Variants in COL19A1 observed in about 807,000 individuals in gnomAD.
COL19A1 encodes collagen alpha-1(XIX) chain.
In COL19A1, 159 loss-of-function variants were observed where a neutral mutation model predicts 190.2. That is an observed-to-expected ratio of 0.84 (90% CI 0.73 to 0.95). The LOEUF (loss-of-function observed/expected upper bound fraction) is 0.95. COL19A1 is among the 40% of genes least tolerant of loss of function. COL19A1 has a pLI of 0.00. For synonymous variants in COL19A1, 509 were observed against 458.9 expected (o/e 1.11, Z -1.39); for missense variants, 1,418 against 1,431.9 (o/e 0.99, Z 0.16).
chr6:70,006,193 C>A (rs1777614584), intron 11 of COL19A1, among the ~76,000 whole-genome samples: 1 of 152,204 alleles, frequency 6.6e-6, no homozygotes, highest in African/African-American at 2.4e-5. Context: ...TTGCCCCTCA[C>A]CCTGGGAGCT....
intron 15 of COL19A1, among the ~76,000 whole-genome samples, chr6:70,069,379 T>C (rs1781423781): frequency 6.6e-6 from 1 of 152,138 alleles, no homozygotes; most frequent in Non-Finnish European, 1.5e-5. Flanking sequence ...CTACAAATAT[T>C]TGAGGGTCAG....
At chr6:69,918,499 C>T (rs1771462126) in intron 4 of COL19A1, among the ~76,000 whole-genome samples, 1 of 152,024 alleles carries the variant, frequency 6.6e-6, no homozygotes, top group South Asian at 2.1e-4. Context: ...GAGTTTGAGA[C>T]CCGCCTAGGA....
At chr6:69,968,601 G>A (rs1337569311) in intron 11 of COL19A1, among the ~76,000 whole-genome samples, 1 of 152,082 alleles carries the variant, frequency 6.6e-6, no homozygotes, top group Admixed American at 6.5e-5. Context: ...AATCAATAGT[G>A]ATCATTTGCT....
intron 11 of COL19A1, among the ~76,000 whole-genome samples, chr6:69,996,168 G>A (rs1776893985): frequency 6.6e-6 from 1 of 151,902 alleles, no homozygotes; most frequent in Non-Finnish European, 1.5e-5. Context: ...TCTCAGTATT[G>A]ACACAATACT....
chr6:70,184,692 T>C lies in COL19A1; in HGVS notation c.2776-11T>C. 6.3e-7 allele frequency: 1 copy of C among 1,584,560 alleles called. No individual in the cohort carries two copies. Among genetic ancestry groups the C allele is most frequent in the Non-Finnish European group, 8.6e-7 (1 of 1,159,396 alleles). The stretch of plus-strand genomic sequence containing the variant: ...CAGAGTTAGAAATATTAATCCTTTT[T>C]TTCTTTATAGGGAATAAATGGAAAA... On this transcript the variant is annotated splice_polypyrimidine_tract_variant and intron_variant, in intron 44 of 50. Coordinates refer to ENST00000620364, the MANE Select transcript of COL19A1 (RefSeq NM_001858.6).
chr6:70,125,606 G>GA (rs1247535700), intron 17 of COL19A1, among the ~76,000 whole-genome samples: 2 of 151,198 alleles, frequency 1.3e-5, no homozygotes, highest in Non-Finnish European at 3.0e-5. Flanking sequence ...AAATGAGGAA[G>GA]AAAAAAAAAG....
At chr6:69,949,323 A>G (rs1344236618) in intron 9 of COL19A1, among the ~76,000 whole-genome samples, 1 of 151,766 alleles carries the variant, frequency 6.6e-6, no homozygotes, top group Admixed American at 6.6e-5. Context: ...GGTGCCAGCT[A>G]TGATTCTAAC....
intron 14 of COL19A1, among the ~76,000 whole-genome samples, chr6:70,041,096 A>C (rs879923074): frequency 4.6e-5 from 7 of 152,188 alleles, no homozygotes; most frequent in Non-Finnish European, 8.8e-5. Flanking sequence ...TACACACACA[A>C]AAAAGAAAGA....
chr6:70,139,786 A>G (rs1380486270), intron 19 of COL19A1, among the ~76,000 whole-genome samples: 2 of 152,060 alleles, frequency 1.3e-5, no homozygotes, highest in African/African-American at 4.8e-5. Context: ...TATACTTAAG[A>G]TCACCTAGTT....
intron 15 of COL19A1, among the ~76,000 whole-genome samples, chr6:70,075,361 T>C (rs1227463802): frequency 6.6e-6 from 1 of 152,234 alleles, no homozygotes; most frequent in Non-Finnish European, 1.5e-5. Flanking sequence ...TGGTGGACTT[T>C]GGCCGCTTGG....
chr6:69,921,289 ATC>A (rs1771763728), intron 4 of COL19A1, among the ~76,000 whole-genome samples: 1 of 131,968 alleles, frequency 7.6e-6, no homozygotes, highest in Non-Finnish European at 1.5e-5. Context: ...TATATCATAT[ATC>A]ATATATATCA....
intron 47 of COL19A1, among the ~76,000 whole-genome samples, chr6:70,188,839 T>G (rs540108724): frequency 2.6e-5 from 4 of 152,152 alleles, no homozygotes; most frequent in African/African-American, 4.8e-5. Context: ...AAAATATCCA[T>G]GTTAGGAAGA....
chr6:70,187,187 T>C lies in COL19A1; in HGVS notation c.2857-888T>C, dbSNP rs1394864542. 2.0e-5 allele frequency among the ~76,000 whole-genome samples: 3 copies of C among 152,262 alleles called. No individual in the cohort carries two copies. In the East Asian group the frequency reaches 5.8e-4, roughly 29 times the overall value. ...GAGCCACCGCGCCTGGCCCAACTGATTCTTCCATAGTTCATTTATACTATT... is the reference window on the plus strand; with the variant it reads ...GAGCCACCGCGCCTGGCCCAACTGACTCTTCCATAGTTCATTTATACTATT... On this transcript the variant is annotated intron_variant, in intron 46 of 50. Coordinates refer to ENST00000620364, the MANE Select transcript of COL19A1 (RefSeq NM_001858.6).
intron 14 of COL19A1, among the ~76,000 whole-genome samples, chr6:70,063,681 A>G (rs1055802373): frequency 6.6e-6 from 1 of 152,180 alleles, no homozygotes; most frequent in South Asian, 2.1e-4. Flanking sequence ...CAAAAAATTA[A>G]TGAATCCAGG....
intron 4 of COL19A1, among the ~76,000 whole-genome samples, chr6:69,920,283 G>A (rs1309998120): frequency 6.6e-6 from 1 of 152,116 alleles, no homozygotes; most frequent in Non-Finnish European, 1.5e-5. Context: ...TCATTTTTAA[G>A]GAGCGCTATT....
chr6:70,017,452 T>C (rs1338588973), intron 11 of COL19A1, among the ~76,000 whole-genome samples: 3 of 152,250 alleles, frequency 2.0e-5, no homozygotes, highest in East Asian at 3.9e-4. Flanking sequence ...GCACCCTACA[T>C]GTACAGTGTA....
intron 2 of COL19A1, chr6:69,890,136 C>T (rs367781131): frequency 1.6e-4 from 25 of 155,718 alleles, no homozygotes; most frequent in Admixed American, 7.8e-4. Context: ...TTGAAGTCAG[C>T]GAGACCAAGA....
chr6:69,969,228 CTTTA>C (rs1212946074), intron 11 of COL19A1, among the ~76,000 whole-genome samples: 1 of 152,052 alleles, frequency 6.6e-6, no homozygotes, highest in African/African-American at 2.4e-5. Context: ...TATTATATAT[CTTTA>C]TTTGTGTAAT....
At chr6:70,136,695 G>A (rs544120787) in intron 18 of COL19A1, among the ~76,000 whole-genome samples, 8 of 151,980 alleles carry the variant, frequency 5.3e-5, no homozygotes, top group South Asian at 4.2e-4. Flanking sequence ...GGAAATATAG[G>A]GGATTTCTTC....
Sources: allele counts gnomAD v4.1 joint callset (sites outside exome capture counted in the v4.1 genomes callset), GRCh38; gene constraint gnomAD v4.1.1; transcripts MANE v1.5; gene names NCBI Gene and HGNC (gene_info 2026-07-23, HGNC 2026-07-21).